The following TTBK2 variants were observed in gnomAD, a reference collection of about 807,000 sequenced individuals.
TTBK2 encodes the protein tau tubulin kinase 2, also known as tau-tubulin kinase 2.
TTBK2 carries 28 observed loss-of-function variants against 110.8 expected under a neutral mutation model. That is an observed-to-expected ratio of 0.25 (90% CI 0.19 to 0.35). The LOEUF is 0.35. Among genes scored for constraint, TTBK2 ranks in the 10% least tolerant of loss-of-function variants. The pLI, the probability that TTBK2 is intolerant of heterozygous loss-of-function variation, is 1.00. For missense variants in TTBK2, 1,369 were observed against 1,500.3 expected (o/e 0.91, Z 1.45); for synonymous variants, 532 against 527.3 (o/e 1.01, Z -0.12).
chr15:42,775,248 C>A lies in TTBK2; in HGVS notation c.1885G>T (p.Ala629Ser). Residue 629 changes from alanine (A) to serine (S), a missense_variant, in exon 13 of 15, where the codon GCT (alanine) becomes TCT (serine). Physicochemically the swap from Ala to Ser is moderately conservative, Grantham distance 99. Around this residue, in one of 4 missense-constraint regions of TTBK2, gnomAD observed 1,097 missense variants for 1,114.7 expected, o/e 0.98. Transcript: ENST00000267890. ...AGCCTATCTGTATATTGTTCTGAAGCAGCAGTAGGAGGACCCTCTGCAGAA... is the reference window on the plus strand; with the variant it reads ...AGCCTATCTGTATATTGTTCTGAAGAAGCAGTAGGAGGACCCTCTGCAGAA... ...ALSAEGPPTAASEQYTDRLEL... is the reference protein window; with the variant it reads ...ALSAEGPPTASSEQYTDRLEL... 1 of 1,614,240 alleles carries A rather than the reference C, an allele frequency of 6.2e-7. No individual in the cohort carries two copies. The highest frequency in any genetic ancestry group is 8.5e-7 in the Non-Finnish European group (1 of 1,180,044).
chr15:42,778,790 C>A (rs980105489), intron 11 of TTBK2, among the ~76,000 whole-genome samples: 6 of 151,956 alleles, frequency 3.9e-5, no homozygotes, highest in African/African-American at 1.5e-4. Context: ...TAACTGGAGT[C>A]CTAGAAAGAG....
chr15:42,878,255 T>C (rs1242851625), intron 2 of TTBK2, among the ~76,000 whole-genome samples: 1 of 151,916 alleles, frequency 6.6e-6, no homozygotes, highest in Non-Finnish European at 1.5e-5. Flanking sequence ...GTGCTGGGAT[T>C]ATAGGCGAGA....
intron 3 of TTBK2, among the ~76,000 whole-genome samples, chr15:42,870,775 C>T (rs1277675412): frequency 6.6e-6 from 1 of 150,920 alleles, no homozygotes; most frequent in African/African-American, 2.4e-5. Context: ...GCAGGAGAAT[C>T]GCTTGAACCC....
rs371026734 is a variant in TTBK2, at chr15:42,817,112, T to A, written c.538-15A>T. On this transcript the variant is annotated splice_polypyrimidine_tract_variant and intron_variant, in intron 6 of 14. Coordinates refer to ENST00000267890, the MANE Select transcript of TTBK2 (RefSeq NM_173500.4). Reference sequence around the variant, plus strand: ...ACAGCTCGAGGCTACAACGAAGCCATGCAAAGAATAATAAATGAGCTTCAA... The same window carrying A: ...ACAGCTCGAGGCTACAACGAAGCCAAGCAAAGAATAATAAATGAGCTTCAA... 1.9e-6 allele frequency: 3 copies of A among 1,598,764 alleles called. No homozygotes were observed. The highest frequency in any genetic ancestry group is 2.7e-5 in the African/African-American group (2 of 74,374).
chr15:42,764,942 G>T (rs1595888392), intron 13 of TTBK2, among the ~76,000 whole-genome samples: 1 of 151,842 alleles, frequency 6.6e-6, no homozygotes, highest in South Asian at 2.1e-4. Flanking sequence ...TTGCTGTTCT[G>T]CAATATTTGC....
chr15:42,920,143 A>C (rs1190978985), intron 1 of TTBK2, among the ~76,000 whole-genome samples: 1 of 152,200 alleles, frequency 6.6e-6, no homozygotes, highest in South Asian at 2.1e-4. Context: ...TATGTGGGTC[A>C]CCCACAGAGA....
intron 1 of TTBK2, among the ~76,000 whole-genome samples, chr15:42,897,914 G>A (rs1359400429): frequency 6.6e-6 from 1 of 151,732 alleles, no homozygotes; most frequent in Non-Finnish European, 1.5e-5. Context: ...AACCATCCAG[G>A]CGCAGCGGCT....
intron 11 of TTBK2, among the ~76,000 whole-genome samples, chr15:42,781,485 C>A (rs1349330170): frequency 1.3e-5 from 2 of 152,072 alleles, no homozygotes; most frequent in Non-Finnish European, 2.9e-5. Flanking sequence ...TGATGTAAAA[C>A]CTTATCTTTC....
chr15:42,798,182 C>T lies in TTBK2; in HGVS notation c.823-3381G>A. On this transcript the variant is annotated intron_variant, in intron 9 of 14. Transcript: ENST00000267890. ...TATAGGCATGAGACACCATGCCCAG[C>T]CTCTCATTCTTTTTTATATCCCAAT... The T allele has an allele frequency of 1.1e-5, 5 of 455,794 alleles. No individual in the cohort carries two copies. In the East Asian group the frequency reaches 3.5e-4, roughly 32 times the overall value. The allele number at this position is 455,794 out of a possible 1,614,324, so 28.2% of individuals were successfully genotyped here.
At chr15:42,780,806 G>C (rs896949287) in intron 11 of TTBK2, among the ~76,000 whole-genome samples, 12 of 151,906 alleles carry the variant, frequency 7.9e-5, no homozygotes, top group South Asian at 4.2e-4. Flanking sequence ...TCTACTAAAA[G>C]TACAAAAATT....
At position 42,794,631 on chromosome 15, in the gene TTBK2, G is replaced by C. The variant is rs148102841; in HGVS notation, c.980+13C>G. ...CAGGAAAGACACCACCAAATGATCT[G>C]TTTAGGACATACCCAATTGCAGCAG... On this transcript the variant is annotated intron_variant, in intron 10 of 14. Coordinates refer to ENST00000267890, the MANE Select transcript of TTBK2 (RefSeq NM_173500.4). 1.9e-6 allele frequency: 3 copies of C among 1,614,126 alleles called. No homozygotes were observed. The highest frequency in any genetic ancestry group is 2.5e-6 in the Non-Finnish European group (3 of 1,180,012).
In TTBK2 at chr15:42,859,565, G is replaced by C. The variant is rs547841024; in HGVS notation, c.217+13046C>G. 1.4e-4 allele frequency among the ~76,000 whole-genome samples: 22 copies of C among 152,208 alleles called. No individual in the cohort carries two copies. In the East Asian group the frequency reaches 4.1e-3, roughly 28 times the overall value. On this transcript the variant is annotated intron_variant, in intron 3 of 14. Coordinates refer to ENST00000267890, the MANE Select transcript of TTBK2 (RefSeq NM_173500.4). ...AGAAGTATAGGCACACTAAAAAACT[G>C]AGAACTAATAATAGGACTATGGAAT...
intron 1 of TTBK2, among the ~76,000 whole-genome samples, chr15:42,910,165 A>G (rs1325431910): frequency 6.6e-6 from 1 of 152,220 alleles, no homozygotes; most frequent in Non-Finnish European, 1.5e-5. Context: ...GTAACAGATA[A>G]TAGTTATATA....
intron 3 of TTBK2, among the ~76,000 whole-genome samples, chr15:42,841,208 T>C (rs1218931493): frequency 5.9e-5 from 9 of 152,200 alleles, no homozygotes. Context: ...AAGTTCGTTG[T>C]TATTTTTTAT....
At chr15:42,799,520 G>T (rs761914396) in intron 9 of TTBK2, among the ~76,000 whole-genome samples, 1 of 152,020 alleles carries the variant, frequency 6.6e-6, no homozygotes, top group African/African-American at 2.4e-5. Flanking sequence ...TGCAACCTCT[G>T]CCTCCTGGGT....
rs371090315 is a variant in TTBK2, at chr15:42,752,965, C to G, written c.2281G>C (p.Asp761His). The G allele has an allele frequency of 1.9e-6, 3 of 1,614,206 alleles. No homozygotes were observed. Among genetic ancestry groups the G allele is most frequent in the Middle Eastern group, 3.3e-4 (2 of 6,062 alleles). Residue 761 changes from aspartate (D) to histidine (H), a missense_variant, in exon 14 of 15, where the codon GAT becomes CAT. Around this residue, in one of 4 missense-constraint regions of TTBK2, gnomAD observed 1,097 missense variants for 1,114.7 expected, o/e 0.98. Transcript: ENST00000267890. ...SQDLGPKELP[D>H]HNRLVVREFE... ...TCTCTCACAACCAGTCTATTATGATCAGGAAGTTCTTTTGGTCCCAGGTCT... is the reference window on the plus strand; with the variant it reads ...TCTCTCACAACCAGTCTATTATGATGAGGAAGTTCTTTTGGTCCCAGGTCT...
At chr15:42,861,148 A>G (rs1215718422) in intron 3 of TTBK2, among the ~76,000 whole-genome samples, 5 of 152,178 alleles carry the variant, frequency 3.3e-5, no homozygotes, top group Admixed American at 2.0e-4. Context: ...TAGCCCCACA[A>G]TAATAGTGGG....
intron 1 of TTBK2, among the ~76,000 whole-genome samples, chr15:42,892,548 A>C (rs996165030): frequency 2.0e-5 from 3 of 151,794 alleles, no homozygotes; most frequent in African/African-American, 7.3e-5. Flanking sequence ...CTCCACAAAA[A>C]ATATAAAAAT....
At chr15:42,799,940 T>C (rs562049731) in intron 9 of TTBK2, among the ~76,000 whole-genome samples, 8 of 152,092 alleles carry the variant, frequency 5.3e-5, no homozygotes, top group African/African-American at 1.9e-4. Flanking sequence ...CTACCAAAAA[T>C]ACATAAAATT....
Sources: gnomAD v4.1 joint callset for allele counts (sites outside exome capture counted in the v4.1 genomes callset) on GRCh38, gnomAD v4.1.1 for gene constraint, gnomAD v4.1.1 regional missense constraint, MANE v1.5 for transcripts, NCBI Gene and HGNC (gene_info 2026-07-23, HGNC 2026-07-21) for gene names.